Variants in SIPA1L1 observed in about 807,000 individuals in gnomAD.
SIPA1L1 encodes signal-induced proliferation-associated 1-like protein 1.
SIPA1L1 carries 26 observed loss-of-function variants against 162.7 expected under a neutral mutation model. The ratio of observed to expected loss-of-function variants is 0.16; its 90% CI spans 0.12 to 0.22. The LOEUF (loss-of-function observed/expected upper bound fraction) is 0.22. Among genes scored for constraint, SIPA1L1 ranks in the 10% least tolerant of loss-of-function variants. The probability of loss-of-function intolerance (pLI) is 1.00; values close to 1 mark genes in which losing one functional copy is unlikely to be tolerated. For missense variants in SIPA1L1, 1,874 were observed against 2,241.0 expected, an observed-to-expected ratio of 0.84 and a Z score of 3.31; for synonymous variants, 829 against 837.4, an observed-to-expected ratio of 0.99 and a Z score of 0.17.
intron 12 of SIPA1L1, among the ~76,000 whole-genome samples, chr14:71,675,365 C>T (rs1174703182): frequency 1.7e-5 from 2 of 119,300 alleles, no homozygotes; most frequent in Admixed American, 8.8e-5. Flanking sequence ...CAGTTTCCAT[C>T]TGAAAAGCCA....
rs376363052 is a variant in SIPA1L1 at position 71,723,770 on chromosome 14, C to A, written c.4332C>A (p.Ser1444=). 2 of 1,614,126 alleles carry A rather than the reference C, an allele frequency of 1.2e-6. No homozygotes were observed. The highest frequency in any genetic ancestry group is 1.7e-6 in the Non-Finnish European group (2 of 1,180,054). Residue 1444 remains serine (S), a synonymous_variant, in exon 18 of 24, where the codon TCC becomes TCA. Transcript: ENST00000381232. ...QLAPSFSSSS[S]SSSGPRSFYP... The stretch of plus-strand genomic sequence containing the variant: ...CACCATCCTTCTCCTCCTCTTCCTC[C>A]TCCTCCTCTGGTCCTAGGAGTTTTT...
intron 5 of SIPA1L1, among the ~76,000 whole-genome samples, chr14:71,610,625 C>T (rs914844216): frequency 2.6e-5 from 4 of 152,164 alleles, no homozygotes; most frequent in African/African-American, 9.7e-5. Flanking sequence ...TGCTAATCTT[C>T]ATCCTCTCTT....
chr14:71,374,409 CT>C (rs1161903806), intron 2 of SIPA1L1, among the ~76,000 whole-genome samples: 1 of 151,754 alleles, frequency 6.6e-6, no homozygotes, highest in Non-Finnish European at 1.5e-5. Flanking sequence ...AAAGTATTTT[CT>C]TGATAGAGCC....
chr14:71,719,024 A>C (rs961237449), intron 17 of SIPA1L1, among the ~76,000 whole-genome samples: 1 of 151,706 alleles, frequency 6.6e-6, no homozygotes, highest in African/African-American at 2.4e-5. Context: ...CTGCAGCCTC[A>C]ACTTCCTGAG....
rs1004806199 is a variant in SIPA1L1, at chr14:71,656,154, A to G, written c.1994-2179A>G. Among the ~76,000 whole-genome samples the G allele has an allele frequency of 3.3e-5, 5 of 152,210 alleles. No homozygotes were observed. The East Asian group carries it at 9.6e-4, about 29-fold the overall frequency. On this transcript the variant is annotated intron_variant, in intron 8 of 23. Coordinates refer to ENST00000381232, the MANE Select transcript of SIPA1L1 (RefSeq NM_001386936.1). ...TCTATGAATCTAAAAGACCTCAGAA[A>G]AAGGCTGGTCAGATAGCATACATTG...
chr14:71,419,851 AC>A (rs2043063004), intron 2 of SIPA1L1, among the ~76,000 whole-genome samples: 1 of 151,504 alleles, frequency 6.6e-6, no homozygotes, highest in Non-Finnish European at 1.5e-5. Context: ...ACATAGTGAG[AC>A]CCCATCTCTT....
At chr14:71,502,618 A>G (rs2050352231) in intron 2 of SIPA1L1, among the ~76,000 whole-genome samples, 1 of 152,166 alleles carries the variant, frequency 6.6e-6, no homozygotes, top group African/African-American at 2.4e-5. Context: ...TTAAATATGA[A>G]AACTTGTCAA....
chr14:71,435,314 A>G (rs2044290131), intron 2 of SIPA1L1, among the ~76,000 whole-genome samples: 1 of 151,908 alleles, frequency 6.6e-6, no homozygotes, highest in Non-Finnish European at 1.5e-5. Context: ...TCCTAATGCT[A>G]TCCCTCCTCC....
In SIPA1L1 at chr14:71,377,949, A is replaced by G. The variant is rs1036634609; in HGVS notation, c.-465+56768A>G. On this transcript the variant is annotated intron_variant, in intron 2 of 23. Coordinates refer to ENST00000381232, the MANE Select transcript of SIPA1L1 (RefSeq NM_001386936.1). The surrounding 1 kb of genome is among the most constrained non-coding windows in gnomAD (Gnocchi z 4.8). Reference sequence around the variant, plus strand: ...CAGTACAGTCCAGCCTCGGCAACCGAGGGAGACCGTGGAAAGCAGGAGATG... The same window carrying G: ...CAGTACAGTCCAGCCTCGGCAACCGGGGGAGACCGTGGAAAGCAGGAGATG... Among the ~76,000 whole-genome samples the G allele has an allele frequency of 1.3e-5, 2 of 152,122 alleles. No homozygotes were observed. Among genetic ancestry groups the G allele is most frequent in the African/African-American group, 4.8e-5 (2 of 41,404 alleles).
chr14:71,480,983 A>G (rs571591477), intron 2 of SIPA1L1, among the ~76,000 whole-genome samples: 5 of 152,200 alleles, frequency 3.3e-5, no homozygotes, highest in African/African-American at 4.8e-5. Context: ...ATTTAGTGCT[A>G]TTTGATTTTA....
intron 4 of SIPA1L1, among the ~76,000 whole-genome samples, chr14:71,567,008 A>G (rs2030767856): frequency 6.6e-6 from 1 of 152,240 alleles, no homozygotes; most frequent in Admixed American, 6.5e-5. Context: ...AATGGACAGA[A>G]CATAAGTGGG....
At chr14:71,558,576 G>A (rs1487208767) in intron 4 of SIPA1L1, among the ~76,000 whole-genome samples, 1 of 152,190 alleles carries the variant, frequency 6.6e-6, no homozygotes, top group Non-Finnish European at 1.5e-5. Flanking sequence ...GCTGGTGAAA[G>A]CCGTGGTTGC....
chr14:71,540,943 A>G (rs1353102663), intron 4 of SIPA1L1, among the ~76,000 whole-genome samples: 3 of 152,276 alleles, frequency 2.0e-5, no homozygotes, highest in Admixed American at 6.5e-5. Flanking sequence ...CCTGGCCAAC[A>G]TGGTGAAACC....
At chr14:71,321,276 G>A (rs1312120392) in intron 2 of SIPA1L1, 95 bp downstream of exon 2, 1 of 152,258 alleles carries the variant, frequency 6.6e-6, no homozygotes, top group African/African-American at 2.4e-5. Flanking sequence ...GGGGTCCAGG[G>A]CCCGGAGCAG....
intron 2 of SIPA1L1, among the ~76,000 whole-genome samples, chr14:71,470,184 T>G (rs184836433): frequency 2.4e-4 from 36 of 152,324 alleles, no homozygotes; most frequent in Admixed American, 2.3e-3. Context: ...AACCTTTGAA[T>G]GTAAATGTGA....
At chr14:71,484,707 CA>C (rs1382888264) in intron 2 of SIPA1L1, among the ~76,000 whole-genome samples, 1 of 152,162 alleles carries the variant, frequency 6.6e-6, no homozygotes, top group African/African-American at 2.4e-5. Flanking sequence ...ACTTACCATA[CA>C]GTAGGAATTC....
At chr14:71,676,797 G>C (rs767409855) in intron 12 of SIPA1L1, among the ~76,000 whole-genome samples, 1 of 151,980 alleles carries the variant, frequency 6.6e-6, no homozygotes, top group Non-Finnish European at 1.5e-5. Context: ...CCCTACAAAG[G>C]ACATTAATTC....
chr14:71,510,052 C>T lies in SIPA1L1; in HGVS notation c.-464-2691C>T, dbSNP rs2050997244. On this transcript the variant is annotated intron_variant, in intron 2 of 23. Coordinates refer to ENST00000381232, the MANE Select transcript of SIPA1L1 (RefSeq NM_001386936.1). Reference sequence around the variant, plus strand: ...TGGAGCCTAATGCAGAAGCTCAGTTCAAAACAGTGGCCTCCTGTAAATTTT... The same window carrying T: ...TGGAGCCTAATGCAGAAGCTCAGTTTAAAACAGTGGCCTCCTGTAAATTTT... Among the ~76,000 whole-genome samples, 3 of 151,918 alleles carry T rather than the reference C, an allele frequency of 2.0e-5. No homozygotes were observed. In the South Asian group the frequency reaches 6.2e-4, roughly 32 times the overall value.
intron 13 of SIPA1L1, among the ~76,000 whole-genome samples, chr14:71,698,598 G>C: frequency 6.6e-6 from 1 of 152,210 alleles, no homozygotes; most frequent in South Asian, 2.1e-4. Context: ...ACTCTGGGAG[G>C]ACTAGTGTAA....
Sources: allele counts gnomAD v4.1 joint callset (sites outside exome capture counted in the v4.1 genomes callset), GRCh38; gene constraint gnomAD v4.1.1; non-coding constraint Gnocchi (gnomAD v3.1); transcripts MANE v1.5; gene names NCBI Gene and HGNC (gene_info 2026-07-23, HGNC 2026-07-21).